Variants in ADAM23 observed in about 807,000 individuals in gnomAD.
The protein encoded by ADAM23 is ADAM metallopeptidase domain 23, also known as disintegrin and metalloproteinase domain-containing protein 23.
Under a neutral mutation model 120.1 loss-of-function variants are expected in ADAM23, and 33 were observed. That is an observed-to-expected ratio of 0.27 (90% CI 0.21 to 0.37). The LOEUF (loss-of-function observed/expected upper bound fraction) is 0.37, where lower values mean the gene tolerates loss of function less well. Among genes scored for constraint, ADAM23 ranks in the 10% least tolerant of loss-of-function variants. ADAM23 has a pLI of 1.00. For missense variants in ADAM23, 862 were observed against 1,058.2 expected (o/e 0.81, Z 2.57); for synonymous variants, 367 against 375.2 (o/e 0.98, Z 0.25).
At chr2:206,594,428 T>C (rs553578646) in intron 22 of ADAM23, among the ~76,000 whole-genome samples, 375 of 152,366 alleles carry the variant, frequency 2.5e-3, no homozygotes, top group Non-Finnish European at 4.6e-3. Flanking sequence ...TGTTCTCATA[T>C]AGATACTTCT....
chr2:206,484,796 A>G (rs1333942337), intron 3 of ADAM23, among the ~76,000 whole-genome samples: 1 of 152,122 alleles, frequency 6.6e-6, no homozygotes, highest in East Asian at 1.9e-4. Flanking sequence ...CATAATCCCC[A>G]TGTGTCATGG....
chr2:206,557,046 T>G (rs1574532092), intron 9 of ADAM23, among the ~76,000 whole-genome samples: 1 of 152,212 alleles, frequency 6.6e-6, no homozygotes, highest in Non-Finnish European at 1.5e-5. Flanking sequence ...CATATCGATT[T>G]CTATAGGTCC....
At chr2:206,471,626 T>C (rs560306425) in intron 2 of ADAM23, among the ~76,000 whole-genome samples, 8 of 152,346 alleles carry the variant, frequency 5.3e-5, no homozygotes, top group Admixed American at 3.9e-4. Flanking sequence ...TTAAATTATT[T>C]AGTGGGTGTT....
intron 10 of ADAM23, among the ~76,000 whole-genome samples, chr2:206,558,530 G>GT (rs764199419): frequency 5.3e-4 from 81 of 152,274 alleles, no homozygotes; most frequent in Non-Finnish European, 1.0e-3. Context: ...TGTGCGTCGA[G>GT]TATCTCATAT....
intron 24 of ADAM23, among the ~76,000 whole-genome samples, chr2:206,608,172 G>A (rs2105863249): frequency 6.6e-6 from 1 of 152,220 alleles, no homozygotes; most frequent in Non-Finnish European, 1.5e-5. Flanking sequence ...AGCCTACAGG[G>A]TTGTCTGTAA....
chr2:206,457,915 G>T (rs982557540), intron 2 of ADAM23, among the ~76,000 whole-genome samples: 1 of 152,164 alleles, frequency 6.6e-6, no homozygotes, highest in Non-Finnish European at 1.5e-5. Flanking sequence ...TTAAGGAAAT[G>T]ATATACACCA....
At chr2:206,500,000 T>TGAGTTTATCTCTCCTGAAGATATG (rs1696354513) in intron 3 of ADAM23, among the ~76,000 whole-genome samples, 1 of 152,170 alleles carries the variant, frequency 6.6e-6, no homozygotes, top group African/African-American at 2.4e-5. Context: ...TTTCTTGTTT[T>TGAGTTTATCTCTCCTGAAGATATG]GAGTTTATCT....
At chr2:206,604,718 G>C (rs980152251) in intron 24 of ADAM23, among the ~76,000 whole-genome samples, 1 of 152,094 alleles carries the variant, frequency 6.6e-6, no homozygotes, top group Non-Finnish European at 1.5e-5. Flanking sequence ...AAAATATTTA[G>C]CTAAAAATGT....
chr2:206,568,592 A>G (rs1697935250), intron 15 of ADAM23, among the ~76,000 whole-genome samples: 1 of 152,238 alleles, frequency 6.6e-6, no homozygotes, highest in Admixed American at 6.5e-5. Context: ...AAGCTTTTGC[A>G]TAAATCGGGG....
At position 206,479,664 on chromosome 2, in the gene ADAM23, A is replaced by G. The variant is rs114030166; in HGVS notation, c.433-1568A>G. 9.0e-3 allele frequency among the ~76,000 whole-genome samples: 1,376 copies of G among 152,176 alleles called. 20 individuals carry two copies. Among genetic ancestry groups the G allele is most frequent in the African/African-American group, 0.031 (1,293 of 41,512 alleles). On this transcript the variant is annotated intron_variant, in intron 2 of 25. Coordinates refer to ENST00000264377, the MANE Select transcript of ADAM23 (RefSeq NM_003812.4). ...TTGTGGATAACAGAGACCACACTTG[A>G]CAGAAGTTTCTCTCTCTCTCTCTCT...
chr2:206,612,272 TA>T (rs2105866435), intron 25 of ADAM23, among the ~76,000 whole-genome samples: 1 of 152,352 alleles, frequency 6.6e-6, no homozygotes, highest in East Asian at 1.9e-4. Flanking sequence ...TGCTGAATGA[TA>T]ATGTTTAGAT....
intron 25 of ADAM23, among the ~76,000 whole-genome samples, chr2:206,611,365 TAGTG>T (rs1162442140): frequency 2.0e-5 from 3 of 152,222 alleles, no homozygotes; most frequent in Admixed American, 1.3e-4. Context: ...ATTGCCCACA[TAGTG>T]AGTCACGCAT....
intron 9 of ADAM23, among the ~76,000 whole-genome samples, chr2:206,555,387 C>T (rs1308001007): frequency 1.3e-5 from 2 of 152,136 alleles, no homozygotes; most frequent in African/African-American, 4.8e-5. Context: ...ATCATCCAGT[C>T]GTGGGAGCTC....
intron 3 of ADAM23, among the ~76,000 whole-genome samples, chr2:206,486,226 C>G (rs1045787658): frequency 6.6e-6 from 1 of 152,148 alleles, no homozygotes; most frequent in Non-Finnish European, 1.5e-5. Flanking sequence ...TAATTACACT[C>G]CTCTCAGGGT....
chr2:206,543,230 T>C (rs1559256320), intron 5 of ADAM23, 23 bp from the exon 6 acceptor site: 1 of 1,610,298 alleles, frequency 6.2e-7, no homozygotes, highest in Admixed American at 1.7e-5. Flanking sequence ...ATTCCCTCCT[T>C]TGTGTGGTTT....
intron 3 of ADAM23, among the ~76,000 whole-genome samples, chr2:206,519,621 G>T (rs1016792663): frequency 6.6e-6 from 1 of 152,110 alleles, no homozygotes; most frequent in Non-Finnish European, 1.5e-5. Flanking sequence ...TCTCTTCTTG[G>T]TAGGTTGTGT....
At chr2:206,538,875 A>G (rs1038459736) in intron 4 of ADAM23, among the ~76,000 whole-genome samples, 4 of 152,118 alleles carry the variant, frequency 2.6e-5, no homozygotes, top group African/African-American at 9.7e-5. Context: ...TGGCCTCCCA[A>G]AGTGCTAGGA....
chr2:206,487,533 C>G (rs1194004412), intron 3 of ADAM23, among the ~76,000 whole-genome samples: 3 of 152,208 alleles, frequency 2.0e-5, no homozygotes, highest in Non-Finnish European at 4.4e-5. Flanking sequence ...CCCAGAGCTG[C>G]TCACCAGACA....
At chr2:206,552,754 G>A (rs528856748) in intron 9 of ADAM23, among the ~76,000 whole-genome samples, 7 of 152,014 alleles carry the variant, frequency 4.6e-5, no homozygotes, top group Non-Finnish European at 7.4e-5. Flanking sequence ...CTGCGCCTCC[G>A]CAGCTCAAGT....
Sources: allele counts gnomAD v4.1 joint callset (sites outside exome capture counted in the v4.1 genomes callset), GRCh38; gene constraint gnomAD v4.1.1; transcripts MANE v1.5; gene names NCBI Gene and HGNC (gene_info 2026-07-23, HGNC 2026-07-21).